Variants in WWOX observed in about 807,000 individuals in gnomAD.
The protein encoded by WWOX is WW domain-containing oxidoreductase.
WWOX carries 69 observed loss-of-function variants against 46.2 expected under a neutral mutation model. The observed-to-expected ratio is 1.49, with a 90% CI of 1.23 to 1.82. The LOEUF is 1.82. WWOX is among the 40% of genes most tolerant of loss of function. The probability of loss-of-function intolerance (pLI) is 0.00; values close to 1 mark genes in which losing one functional copy is unlikely to be tolerated. For synonymous variants in WWOX, 359 were observed against 202.6 expected (o/e 1.77, Z -6.56); for missense variants, 919 against 542.6 (o/e 1.69, Z -6.89).
chr16:78,602,148 G>C (rs201062514), intron 8 of WWOX, among the ~76,000 whole-genome samples: 9 of 152,180 alleles, frequency 5.9e-5, no homozygotes, highest in Admixed American at 1.3e-4. Context: ...TCTCTCTTTA[G>C]TCAGAGCATA....
At chr16:78,620,172 C>G (rs1164885423) in intron 8 of WWOX, among the ~76,000 whole-genome samples, 1 of 152,134 alleles carries the variant, frequency 6.6e-6, no homozygotes, top group Non-Finnish European at 1.5e-5. Context: ...TAATACTATA[C>G]CTTTTGGTTT....
intron 4 of WWOX, among the ~76,000 whole-genome samples, chr16:78,116,664 A>G (rs2032808449): frequency 6.6e-6 from 1 of 152,196 alleles, no homozygotes; most frequent in Non-Finnish European, 1.5e-5. Context: ...ATCTAAGAAG[A>G]ATACATTTTG....
intron 8 of WWOX, among the ~76,000 whole-genome samples, chr16:78,739,227 G>C (rs951897525): frequency 1.3e-5 from 2 of 152,176 alleles, no homozygotes; most frequent in African/African-American, 4.8e-5. Context: ...CCGAATGAAA[G>C]TGTGATCCTG....
At chr16:78,213,134 C>T (rs1404209912) in intron 5 of WWOX, among the ~76,000 whole-genome samples, 5 of 151,594 alleles carry the variant, frequency 3.3e-5, no homozygotes, top group Non-Finnish European at 5.9e-5. Context: ...ACCTGTAATC[C>T]CAGCTACTCG....
chr16:78,620,716 G>T (rs1041210687), intron 8 of WWOX, among the ~76,000 whole-genome samples: 1 of 151,948 alleles, frequency 6.6e-6, no homozygotes, highest in Non-Finnish European at 1.5e-5. Context: ...TTTGCACAGC[G>T]ATGGGTTAGC....
chr16:78,877,738 G>C (rs920510370), intron 8 of WWOX, among the ~76,000 whole-genome samples: 4 of 152,174 alleles, frequency 2.6e-5, no homozygotes, highest in Non-Finnish European at 4.4e-5. Context: ...TCAGGGCCTA[G>C]AGGAAGGCTT....
intron 8 of WWOX, among the ~76,000 whole-genome samples, chr16:78,960,654 G>T (rs1200765718): frequency 6.6e-6 from 1 of 152,190 alleles, no homozygotes; most frequent in African/African-American, 2.4e-5. Flanking sequence ...AGTCTGGAGG[G>T]AACAGAGAGC....
chr16:78,759,488 C>G (rs1342714814), intron 8 of WWOX, among the ~76,000 whole-genome samples: 1 of 152,144 alleles, frequency 6.6e-6, no homozygotes, highest in Non-Finnish European at 1.5e-5. Flanking sequence ...CTTGAAGCCT[C>G]TTGACATACA....
chr16:78,726,658 CAATT>C (rs1436901385), intron 8 of WWOX, among the ~76,000 whole-genome samples: 1 of 151,736 alleles, frequency 6.6e-6, no homozygotes, highest in African/African-American at 2.4e-5. Flanking sequence ...GTCAACTAAA[CAATT>C]TATTAGGGCT....
chr16:78,314,384 C>G (rs1284775695), intron 5 of WWOX, among the ~76,000 whole-genome samples: 2 of 89,466 alleles, frequency 2.2e-5, no homozygotes, highest in African/African-American at 4.8e-5. Context: ...CCAGCCTGAG[C>G]AACAGAGTGA....
intron 8 of WWOX, chr16:78,757,092 T>G: frequency 1.4e-6 from 1 of 691,872 alleles, no homozygotes; most frequent in Non-Finnish European, 2.6e-6. Context: ...GCTGCAATCT[T>G]GACTGGAACT....
Position 78,617,313 on chromosome 16 carries a change from G to A in WWOX, c.1056+184561G>A, listed in dbSNP as rs547859020. On this transcript the variant is annotated intron_variant, in intron 8 of 8. Coordinates refer to ENST00000566780, the MANE Select transcript of WWOX (RefSeq NM_016373.4). ...GCTACTTAGGAGGCTGAGGTGGAAG[G>A]ATCACTTGAGCCCAGGAGGCAGAGG... 2.0e-5 allele frequency among the ~76,000 whole-genome samples: 3 copies of A among 150,966 alleles called. No individual in the cohort carries two copies. In the South Asian group the frequency reaches 6.3e-4, roughly 32 times the overall value.
intron 8 of WWOX, among the ~76,000 whole-genome samples, chr16:78,819,375 C>G (rs915509000): frequency 3.2e-4 from 48 of 152,290 alleles, no homozygotes; most frequent in African/African-American, 1.1e-3. Flanking sequence ...GCTGTGTCCG[C>G]CAGTGTGTCA....
At chr16:78,478,603 C>T (rs954826758) in intron 8 of WWOX, among the ~76,000 whole-genome samples, 1 of 152,154 alleles carries the variant, frequency 6.6e-6, no homozygotes, top group African/African-American at 2.4e-5. Context: ...AAAGCCTTCC[C>T]ACCTTTGGAA....
Position 78,833,831 on chromosome 16 carries a change from T to G in WWOX, c.1057-377777T>G, listed in dbSNP as rs79729163. 5.9e-3 allele frequency among the ~76,000 whole-genome samples: 894 copies of G among 152,368 alleles called. 26 individuals carry two copies. In the East Asian group the frequency reaches 0.079, roughly 13 times the overall value. ...ACACAGCTCACAAGCAAGTGCAGGCTTCCAGCCAAGGTTTGCTGGCTCATG... is the reference window on the plus strand; with the variant it reads ...ACACAGCTCACAAGCAAGTGCAGGCGTCCAGCCAAGGTTTGCTGGCTCATG... On this transcript the variant is annotated intron_variant, in intron 8 of 8. Coordinates refer to ENST00000566780, the MANE Select transcript of WWOX (RefSeq NM_016373.4).
intron 8 of WWOX, among the ~76,000 whole-genome samples, chr16:78,803,579 T>G (rs925039516): frequency 1.3e-5 from 2 of 152,132 alleles, no homozygotes; most frequent in African/African-American, 4.8e-5. Context: ...CCCAAGTAGC[T>G]TAGAACCACA....
At chr16:78,534,983 A>G (rs568087856) in intron 8 of WWOX, 12 of 152,290 alleles carry the variant, frequency 7.9e-5, no homozygotes, top group African/African-American at 2.6e-4. Flanking sequence ...AAGTGCTGGG[A>G]TGACAGGCAT....
chr16:78,406,149 C>G (rs1474332465), intron 6 of WWOX, among the ~76,000 whole-genome samples: 2 of 151,352 alleles, frequency 1.3e-5, no homozygotes, highest in South Asian at 2.1e-4. Context: ...CTTAAGCCAA[C>G]TATATCGTCA....
chr16:78,704,504 A>T (rs1221769026), intron 8 of WWOX, among the ~76,000 whole-genome samples: 3 of 152,212 alleles, frequency 2.0e-5, no homozygotes, highest in Admixed American at 2.0e-4. Context: ...ACGGGCTGAC[A>T]TGAGCAACAA....
Sources: gnomAD v4.1 joint callset for allele counts (sites outside exome capture counted in the v4.1 genomes callset) on GRCh38, gnomAD v4.1.1 for gene constraint, MANE v1.5 for transcripts, NCBI Gene and HGNC (gene_info 2026-07-23, HGNC 2026-07-21) for gene names.